Variants in ALDH1L1 observed in about 807,000 individuals in gnomAD.
ALDH1L1 encodes the protein cytosolic 10-formyltetrahydrofolate dehydrogenase.
ALDH1L1 carries 68 observed loss-of-function variants against 101.1 expected under a neutral mutation model. The observed-to-expected ratio is 0.67, with a 90% confidence interval of 0.55 to 0.82. The LOEUF is 0.82. Ranked by LOEUF, ALDH1L1 falls within the 40% of genes least tolerant of loss-of-function variation. ALDH1L1 has a pLI of 0.00. For missense variants in ALDH1L1, 1,087 were observed against 1,172.7 expected, an observed-to-expected ratio of 0.93 and a Z score of 1.07; for synonymous variants, 486 against 470.8, an observed-to-expected ratio of 1.03 and a Z score of -0.42.
intron 11 of ALDH1L1, 100 bp from the exon 12 acceptor site, chr3:126,135,762 G>A (rs753480714): frequency 3.6e-5 from 50 of 1,385,416 alleles, no homozygotes; most frequent in South Asian, 2.0e-4. Context: ...CCAGTGAGGC[G>A]GCCCCTGTCC....
chr3:126,153,181 C>T (rs1199131375), intron 7 of ALDH1L1: 2 of 518,172 alleles, frequency 3.9e-6, no homozygotes, highest in Non-Finnish European at 7.0e-6. Flanking sequence ...CCACACAGGG[C>T]ACTCAGCCTG....
chr3:126,139,994 A>G (rs2080534640), intron 9 of ALDH1L1, among the ~76,000 whole-genome samples: 1 of 152,196 alleles, frequency 6.6e-6, no homozygotes, highest in Non-Finnish European at 1.5e-5. Flanking sequence ...TATGTATTTG[A>G]AGAAATAGTG....
intron 16 of ALDH1L1, among the ~76,000 whole-genome samples, chr3:126,122,874 C>T (rs2080105548): frequency 6.6e-6 from 1 of 151,714 alleles, no homozygotes; most frequent in South Asian, 2.1e-4. Context: ...TTGCTTAATG[C>T]AAAAGAAAGT....
intron 1 of ALDH1L1, among the ~76,000 whole-genome samples, chr3:126,167,466 C>G (rs1169955099): frequency 6.6e-6 from 1 of 152,038 alleles, no homozygotes; most frequent in African/African-American, 2.4e-5. Context: ...AATAAGGGAA[C>G]AAAATTTAGA....
In ALDH1L1 at chr3:126,157,470, A is replaced by G; in HGVS notation, c.401T>C (p.Ile134Thr). 6.2e-7 allele frequency: 1 copy of G among 1,614,046 alleles called. No individual in the cohort carries two copies. Among genetic ancestry groups the G allele is most frequent in the Non-Finnish European group, 8.5e-7 (1 of 1,180,008 alleles). The change falls in exon 4 of 23, where the codon ATC becomes ACC. Residue 134 changes from isoleucine to threonine, a missense_variant. Coordinates refer to ENST00000393434, the MANE Select transcript of ALDH1L1 (RefSeq NM_012190.4). ...GTCCAGACCATCATCCGCCCAGAAG[A>G]TGGAAAACCCCCCTTTCTTATCTCC... ...IHGDKKGGFSIFWADDGLDTG... is the reference protein window; with the variant it reads ...IHGDKKGGFSTFWADDGLDTG...
intron 9 of ALDH1L1, among the ~76,000 whole-genome samples, chr3:126,146,131 A>G (rs13089821): frequency 0.38 from 58,273 of 152,046 alleles, 11,322 homozygotes; most frequent in Middle Eastern, 0.49. Flanking sequence ...CACAATGCCC[A>G]CCCCTGCAGT....
chr3:126,135,911 G>A (rs565905352), intron 11 of ALDH1L1, among the ~76,000 whole-genome samples: 2 of 152,328 alleles, frequency 1.3e-5, no homozygotes, highest in South Asian at 2.1e-4. Context: ...TGCCCTGAGT[G>A]TGCCATCCGT....
intron 8 of ALDH1L1, among the ~76,000 whole-genome samples, chr3:126,147,402 C>T (rs1409495010): frequency 6.6e-6 from 1 of 152,202 alleles, no homozygotes; most frequent in African/African-American, 2.4e-5. Flanking sequence ...CTATGAGGCT[C>T]ACAGATGGGT....
chr3:126,167,952 G>C (rs1025186556), intron 1 of ALDH1L1, among the ~76,000 whole-genome samples: 7 of 152,020 alleles, frequency 4.6e-5, no homozygotes, highest in Admixed American at 2.0e-4. Context: ...TTACCTTAAA[G>C]TTAAAAATTG....
intron 8 of ALDH1L1, among the ~76,000 whole-genome samples, chr3:126,150,005 C>A (rs2108277874): frequency 6.6e-6 from 1 of 152,312 alleles, no homozygotes; most frequent in Admixed American, 6.5e-5. Flanking sequence ...ACCAGGTGTG[C>A]CTTATGGGCA....
chr3:126,170,204 AC>A (rs1169143678), intron 1 of ALDH1L1, among the ~76,000 whole-genome samples: 2 of 152,162 alleles, frequency 1.3e-5, no homozygotes, highest in East Asian at 1.9e-4. Context: ...AACTATTAAA[AC>A]CTTTTTTAAT....
At chr3:126,144,607 T>C (rs373934051) in intron 9 of ALDH1L1, among the ~76,000 whole-genome samples, 1 of 152,228 alleles carries the variant, frequency 6.6e-6, no homozygotes, top group Non-Finnish European at 1.5e-5. Context: ...GGGGAAGCGA[T>C]AGTCCCTTCA....
intron 2 of ALDH1L1, among the ~76,000 whole-genome samples, chr3:126,159,064 C>T (rs988067320): frequency 6.6e-6 from 1 of 152,240 alleles, no homozygotes; most frequent in Non-Finnish European, 1.5e-5. Flanking sequence ...AGAAGGGCAA[C>T]AGGGCATCCC....
intron 4 of ALDH1L1, chr3:126,156,209 T>C (rs1219293806): frequency 6.6e-6 from 1 of 152,244 alleles, no homozygotes; most frequent in Non-Finnish European, 1.5e-5. Context: ...ATTGATTTAA[T>C]AGCTGCATGT....
intron 1 of ALDH1L1, among the ~76,000 whole-genome samples, chr3:126,196,800 C>T (rs2081584074): frequency 6.6e-6 from 1 of 152,136 alleles, no homozygotes; most frequent in Non-Finnish European, 1.5e-5. Context: ...CAGGTGTTAA[C>T]CAGAAAGTAC....
chr3:126,153,313 A>G, intron 7 of ALDH1L1, 131 bp downstream of exon 7: 3 of 1,402,624 alleles, frequency 2.1e-6, no homozygotes, highest in Non-Finnish European at 2.0e-6. Context: ...AATCAGGGTC[A>G]GTGTTCCTTC....
chr3:126,106,832 T>G (rs560246993), intron 21 of ALDH1L1, among the ~76,000 whole-genome samples: 1 of 152,202 alleles, frequency 6.6e-6, no homozygotes, highest in Admixed American at 6.5e-5. Context: ...GGTGGTTTAA[T>G]GCATGGTAAC....
At chr3:126,148,559 C>T (rs2080743788) in intron 8 of ALDH1L1, among the ~76,000 whole-genome samples, 1 of 152,166 alleles carries the variant, frequency 6.6e-6, no homozygotes, top group African/African-American at 2.4e-5. Context: ...GAGCAAGAGG[C>T]CTAATGATAG....
Position 126,157,477 on chromosome 3 carries a change from A to C in ALDH1L1, c.394T>G (p.Phe132Val), listed in dbSNP as rs535709835. ...TLIHGDKKGG[F>V]SIFWADDGLD... ...CCATCATCCGCCCAGAAGATGGAAA[A>C]CCCCCCTTTCTTATCTCCGTGAATG... is the stretch of plus-strand genomic sequence containing the variant. The change falls in exon 4 of 23, where the codon TTT becomes GTT. Residue 132 changes from phenylalanine to valine, a missense_variant. By Grantham distance (50) the Phe-to-Val change is conservative. This residue lies in a region of ALDH1L1 where 645 missense variants were observed against 637.0 expected (regional missense o/e 1.01). Transcript: ENST00000393434. The C allele has an allele frequency of 4.3e-6, 7 of 1,613,144 alleles. No individual in the cohort carries two copies. The highest frequency in any genetic ancestry group is 1.1e-5 in the South Asian group (1 of 90,988).
Sources: allele counts gnomAD v4.1 joint callset (sites outside exome capture counted in the v4.1 genomes callset), GRCh38; gene constraint gnomAD v4.1.1; regional missense constraint gnomAD v4.1.1; transcripts MANE v1.5; gene names NCBI Gene and HGNC (gene_info 2026-07-23, HGNC 2026-07-21).